EPHA6: variants seen among roughly 807,000 people sequenced by gnomAD.
EPHA6 encodes the protein ephrin type-A receptor 6.
EPHA6 carries 50 observed loss-of-function variants against 112.0 expected under a neutral mutation model. The ratio of observed to expected loss-of-function variants is 0.45; its 90% CI spans 0.36 to 0.56. The LOEUF (loss-of-function observed/expected upper bound fraction) is 0.56, where lower values mean the gene tolerates loss of function less well. EPHA6 is among the 20% of genes least tolerant of loss of function. EPHA6 has a pLI of 0.00. For missense variants in EPHA6, 1,280 were observed against 1,417.4 expected, an observed-to-expected ratio of 0.90 and a Z score of 1.56; for synonymous variants, 529 against 490.7, an observed-to-expected ratio of 1.08 and a Z score of -1.03.
chr3:97,462,582 T>G (rs2107393708), intron 7 of EPHA6, among the ~76,000 whole-genome samples: 1 of 152,246 alleles, frequency 6.6e-6, no homozygotes, highest in South Asian at 2.1e-4. Flanking sequence ...AATAAGCAAC[T>G]TACCCGAAAA....
intron 5 of EPHA6, among the ~76,000 whole-genome samples, chr3:97,292,511 C>A (rs1281932215): frequency 2.6e-5 from 4 of 152,240 alleles, no homozygotes; most frequent in African/African-American, 9.6e-5. Flanking sequence ...CAGCTCCTTT[C>A]GGCAAGCAGG....
rs367810795 is a variant in EPHA6, at chr3:97,441,159, A to G, written c.1732-7409A>G. ...CCAAATATCGTGAGATTGAAAAAGA[A>G]AACTGTAAGCTGAGATAACTTATAA... On this transcript the variant is annotated intron_variant, in intron 6 of 17. Coordinates refer to ENST00000389672, the MANE Select transcript of EPHA6 (RefSeq NM_001080448.3). Among the ~76,000 whole-genome samples, 69 of 152,092 alleles carry G rather than the reference A, an allele frequency of 4.5e-4. No homozygotes were observed. In the South Asian group the frequency reaches 0.013, roughly 29 times the overall value.
chr3:97,573,793 C>A (rs1489795994), intron 11 of EPHA6, among the ~76,000 whole-genome samples: 1 of 151,968 alleles, frequency 6.6e-6, no homozygotes, highest in Non-Finnish European at 1.5e-5. Context: ...TTGCCACATG[C>A]AAATTCAGAG....
At chr3:96,858,673 T>C (rs770379871) in intron 1 of EPHA6, among the ~76,000 whole-genome samples, 1 of 152,126 alleles carries the variant, frequency 6.6e-6, no homozygotes, top group Non-Finnish European at 1.5e-5. Flanking sequence ...TTAAATTGTT[T>C]TCTTCGTATG....
rs889120041 is a variant in EPHA6, at chr3:97,010,095, G to A, written c.1114+22102G>A. On this transcript the variant is annotated intron_variant, in intron 3 of 17. Coordinates refer to ENST00000389672, the MANE Select transcript of EPHA6 (RefSeq NM_001080448.3). ...GAATAAAAGAAAAAGCAAAAGAGTA[G>A]CATTACTAAAATATTAAACGGTTAC... The A allele has an allele frequency of 2.3e-6, 3 of 1,277,634 alleles. No individual in the cohort carries two copies. In the African/African-American group the frequency reaches 4.7e-5, roughly 20 times the overall value. The allele number at this position is 1,277,634 out of a possible 1,614,324, so 79.1% of individuals were successfully genotyped here.
chr3:97,560,977 C>T (rs1481408487), intron 11 of EPHA6, among the ~76,000 whole-genome samples: 1 of 151,842 alleles, frequency 6.6e-6, no homozygotes. Context: ...GATTGATGAT[C>T]TCTGATGTTA....
intron 10 of EPHA6, among the ~76,000 whole-genome samples, chr3:97,492,500 C>T (rs1391766878): frequency 7.7e-6 from 1 of 129,300 alleles, no homozygotes; most frequent in Non-Finnish European, 1.6e-5. Context: ...CGAGATAGTG[C>T]CACTGCACTC....
intron 11 of EPHA6, among the ~76,000 whole-genome samples, chr3:97,542,756 G>A (rs2092881201): frequency 6.6e-6 from 1 of 152,172 alleles, no homozygotes; most frequent in Non-Finnish European, 1.5e-5. Context: ...TCCAGCACCT[G>A]TTGTTTCCTG....
intron 11 of EPHA6, among the ~76,000 whole-genome samples, chr3:97,563,695 C>T (rs1335799682): frequency 6.6e-6 from 1 of 152,092 alleles, no homozygotes; most frequent in South Asian, 2.1e-4. Flanking sequence ...CAATATGAAA[C>T]AAACTGAAAC....
chr3:96,891,219 A>G, intron 2 of EPHA6, among the ~76,000 whole-genome samples: 1 of 152,196 alleles, frequency 6.6e-6, no homozygotes, highest in Non-Finnish European at 1.5e-5. Flanking sequence ...ATATAAATAA[A>G]TGGTTGTCTA....
chr3:96,913,262 C>G (rs553163252), intron 2 of EPHA6, among the ~76,000 whole-genome samples: 11 of 151,242 alleles, frequency 7.3e-5, no homozygotes, highest in Non-Finnish European at 1.5e-4. Flanking sequence ...ACTAGCTACT[C>G]AAGAGGCTAA....
chr3:97,410,148 A>G (rs988400919), intron 6 of EPHA6, among the ~76,000 whole-genome samples: 4 of 152,016 alleles, frequency 2.6e-5, no homozygotes, highest in African/African-American at 9.7e-5. Flanking sequence ...CATACTCCTC[A>G]ATATCACACT....
intron 3 of EPHA6, among the ~76,000 whole-genome samples, chr3:96,990,637 G>T (rs1211234273): frequency 2.0e-5 from 3 of 152,008 alleles, no homozygotes; most frequent in Non-Finnish European, 4.4e-5. Context: ...ATAAACAAAA[G>T]AAATGTCAGA....
chr3:97,624,001 G>A (rs1045929901), intron 13 of EPHA6, among the ~76,000 whole-genome samples: 5 of 151,260 alleles, frequency 3.3e-5, no homozygotes, highest in African/African-American at 9.7e-5. Flanking sequence ...TAACGTGAAT[G>A]TGAATTCTAG....
rs149194932 is a variant in EPHA6 at position 97,556,946 on chromosome 3, G to A, written c.2386+24403G>A. Among the ~76,000 whole-genome samples, 19 of 152,118 alleles carry A rather than the reference G, an allele frequency of 1.2e-4. No individual in the cohort carries two copies. In the East Asian group the frequency reaches 3.7e-3, roughly 29 times the overall value. On this transcript the variant is annotated intron_variant, in intron 11 of 17. Transcript: ENST00000389672. The stretch of plus-strand genomic sequence containing the variant: ...TCTGCTAAAACTGTGTTATTTTCCA[G>A]ATTAGTATAGTACATACAAATATTT...
At chr3:97,307,498 T>G (rs1265114590) in intron 5 of EPHA6, among the ~76,000 whole-genome samples, 1 of 151,802 alleles carries the variant, frequency 6.6e-6, no homozygotes, top group Non-Finnish European at 1.5e-5. Context: ...ATATAATACA[T>G]AAATTTACCT....
At chr3:97,716,238 C>T (rs2034214135) in intron 14 of EPHA6, among the ~76,000 whole-genome samples, 1 of 152,102 alleles carries the variant, frequency 6.6e-6, no homozygotes, top group Non-Finnish European at 1.5e-5. Context: ...GATCAAGCCA[C>T]AAAAGTTTAA....
At chr3:97,614,595 G>A (rs1189480811) in intron 13 of EPHA6, among the ~76,000 whole-genome samples, 3 of 147,130 alleles carry the variant, frequency 2.0e-5, no homozygotes, top group East Asian at 2.0e-4. Flanking sequence ...CTCATGATCC[G>A]CCTGCCTTGG....
At chr3:96,830,530 T>C (rs2033995727) in intron 1 of EPHA6, among the ~76,000 whole-genome samples, 1 of 152,190 alleles carries the variant, frequency 6.6e-6, no homozygotes. Context: ...ATAGGGCAAA[T>C]TGGTAACCAC....
Sources: allele counts gnomAD v4.1 joint callset (sites outside exome capture counted in the v4.1 genomes callset), GRCh38; gene constraint gnomAD v4.1.1; transcripts MANE v1.5; gene names NCBI Gene and HGNC (gene_info 2026-07-23, HGNC 2026-07-21).